PDE4A: variants seen among roughly 807,000 people sequenced by gnomAD.
PDE4A encodes the protein phosphodiesterase 4A.
Under a neutral mutation model 73.9 loss-of-function variants are expected in PDE4A, and 21 were observed. The observed-to-expected ratio is 0.28, with a 90% CI of 0.20 to 0.41. The LOEUF is 0.41. Ranked by LOEUF, PDE4A falls within the 10% of genes least tolerant of loss-of-function variation. The probability of loss-of-function intolerance (pLI) is 1.00; values close to 1 mark genes in which losing one functional copy is unlikely to be tolerated. For missense variants in PDE4A, 958 were observed against 1,211.4 expected (o/e 0.79, Z 3.10); for synonymous variants, 463 against 505.4 (o/e 0.92, Z 1.13).
At chr19:10,426,437 G>T (rs963333843) in intron 1 of PDE4A, among the ~76,000 whole-genome samples, 3 of 152,014 alleles carry the variant, frequency 2.0e-5, no homozygotes, top group African/African-American at 7.2e-5. Context: ...GCTATTGTTA[G>T]TGTTAGTGTA....
At chr19:10,461,460 A>G (rs2043268446) in intron 11 of PDE4A, 66 bp from the exon 12 acceptor site, 1 of 1,585,576 alleles carries the variant, frequency 6.3e-7, no homozygotes, top group African/African-American at 1.3e-5. Context: ...TTGGGGGCGG[A>G]GCTGGCCCTC....
upstream of PDE4A, chr19:10,417,547 C>T (rs1165103155): frequency 2.1e-6 from 3 of 1,447,564 alleles, no homozygotes; most frequent in East Asian, 2.5e-5. Context: ...TGAAGGGGAG[C>T]CTATACCGCC....
intron 13 of PDE4A, among the ~76,000 whole-genome samples, chr19:10,463,170 A>G (rs2043303637): frequency 6.6e-6 from 1 of 150,740 alleles, no homozygotes; most frequent in African/African-American, 2.4e-5. Flanking sequence ...GTTCCCTGCA[A>G]ACTCCGCCTC....
intron 1 of PDE4A, among the ~76,000 whole-genome samples, chr19:10,436,683 T>C (rs901211589): frequency 2.6e-5 from 4 of 152,222 alleles, no homozygotes; most frequent in Non-Finnish European, 5.9e-5. Flanking sequence ...AATGTCTTGT[T>C]ATTATTACTG....
intron 4 of PDE4A, 145 bp from the exon 5 acceptor site, chr19:10,450,456 GGC>G: frequency 7.0e-7 from 1 of 1,422,350 alleles, no homozygotes; most frequent in African/African-American, 1.4e-5. Flanking sequence ...GACTCATTGA[GGC>G]TGCAGGCAGA....
intron 1 of PDE4A, among the ~76,000 whole-genome samples, chr19:10,422,343 C>G (rs10404638): frequency 6.6e-6 from 1 of 152,130 alleles, no homozygotes; most frequent in East Asian, 1.9e-4. Flanking sequence ...GTCTGAGCGT[C>G]GGTGCTCTGA....
rs759983353 is a variant in PDE4A, at chr19:10,420,916, G to A, written c.152G>A (p.Ser51Asn). ...IRIQQRGYSDSAERAERERQP... is the reference protein window; with the variant it reads ...IRIQQRGYSDNAERAERERQP... The stretch of plus-strand genomic sequence containing the variant: ...ATCCAGCAGCGCGGCTACTCCGACA[G>A]CGCGGAGCGCGCCGAGCGGGAGCGG... The change falls in exon 1 of 15, where the codon AGC becomes AAC. Residue 51 changes from serine to asparagine, a missense_variant. Transcript: ENST00000380702. This position sits in a 1 kb window ranked among gnomAD's most constrained non-coding sequence, Gnocchi z 6.0. 1 of 1,582,658 alleles carries A rather than the reference G, an allele frequency of 6.3e-7. No individual in the cohort carries two copies. Among genetic ancestry groups the A allele is most frequent in the South Asian group, 1.1e-5 (1 of 88,548 alleles).
At chr19:10,421,683 G>A (rs996948995) in intron 1 of PDE4A, among the ~76,000 whole-genome samples, 2 of 152,156 alleles carry the variant, frequency 1.3e-5, no homozygotes, top group Non-Finnish European at 2.9e-5. Flanking sequence ...TCCCCTCTCA[G>A]GGCAAGAGTG....
chr19:10,457,699 TG>T, intron 7 of PDE4A, 179 bp from the exon 8 acceptor site: 1 of 797,570 alleles, frequency 1.3e-6, no homozygotes, highest in Non-Finnish European at 1.5e-6. Context: ...CACCACCTCC[TG>T]GAAGATTTCC....
upstream of PDE4A, chr19:10,417,521 G>A (rs2042599538): frequency 7.0e-7 from 1 of 1,433,254 alleles, no homozygotes; most frequent in East Asian, 2.5e-5. Flanking sequence ...TGAGGGGTCA[G>A]CGAGTGGCTC....
At chr19:10,427,276 G>A (rs1261499179) in intron 1 of PDE4A, among the ~76,000 whole-genome samples, 1 of 152,204 alleles carries the variant, frequency 6.6e-6, no homozygotes, top group African/African-American at 2.4e-5. Context: ...CTTCAGCCTG[G>A]GTGACAGAGC....
At chr19:10,446,560 C>T (rs962792131) in intron 2 of PDE4A, among the ~76,000 whole-genome samples, 151 bp downstream of exon 2, 7 of 152,090 alleles carry the variant, frequency 4.6e-5, no homozygotes, top group Non-Finnish European at 1.0e-4. Context: ...GCACCCTGCC[C>T]CTCCTATAAA....
rs2043210250 is a variant in PDE4A, at chr19:10,458,712, G to C, written c.1101+610G>C. Reference sequence around the variant, plus strand: ...CGGCTCAAGGCAACCTCCACCTCCTGGGTTCAAGCAATACTCCTGCCTCAC... The same window carrying C: ...CGGCTCAAGGCAACCTCCACCTCCTCGGTTCAAGCAATACTCCTGCCTCAC... On this transcript the variant is annotated intron_variant, in intron 8 of 14. Coordinates refer to ENST00000380702, the MANE Select transcript of PDE4A (RefSeq NM_001111307.2). This position sits in a 1 kb window ranked among gnomAD's most constrained non-coding sequence, Gnocchi z 4.6. 6.6e-6 allele frequency among the ~76,000 whole-genome samples: 1 copy of C among 151,604 alleles called. No individual in the cohort carries two copies. The highest frequency in any genetic ancestry group is 2.4e-5 in the African/African-American group (1 of 41,206).
intron 1 of PDE4A, chr19:10,430,923 G>T (rs1343788170): frequency 6.6e-7 from 1 of 1,510,166 alleles, no homozygotes. Flanking sequence ...GGCTGAGGAC[G>T]AGGCGTTCCT....
rs537664118 is a variant in PDE4A, at chr19:10,462,406, C to T, written c.1743+407C>T. ...ACCTCAGGTGATCCCCCCCCGCCCC[C>T]CGCCTTGGCCTCCCAAAGTGCTGGG... On this transcript the variant is annotated intron_variant, in intron 13 of 14. Coordinates refer to ENST00000380702, the MANE Select transcript of PDE4A (RefSeq NM_001111307.2). Among the ~76,000 whole-genome samples the T allele has an allele frequency of 3.2e-4, 48 of 152,134 alleles. 1 individual carries two copies. The South Asian group carries it at 9.8e-3, about 31-fold the overall frequency.
upstream of PDE4A, chr19:10,417,419 C>T (rs2042598687): frequency 2.0e-6 from 2 of 984,982 alleles, no homozygotes; most frequent in African/African-American, 1.7e-5. Flanking sequence ...TGTGACAGAC[C>T]CCAAGGCTGG....
chr19:10,439,771 G>A (rs1268329002), intron 1 of PDE4A, among the ~76,000 whole-genome samples: 1 of 152,046 alleles, frequency 6.6e-6, no homozygotes, highest in African/African-American at 2.4e-5. Context: ...TTGGAGTGAA[G>A]AGACCAGCTG....
chr19:10,417,106 G>A, upstream of PDE4A: 1 of 1,456,992 alleles, frequency 6.9e-7, no homozygotes, highest in Non-Finnish European at 9.0e-7. Flanking sequence ...AAGCTGTGAG[G>A]AGTTTGGTCC....
At chr19:10,466,608 T>C (rs1327530270) in intron 14 of PDE4A, among the ~76,000 whole-genome samples, 1 of 151,650 alleles carries the variant, frequency 6.6e-6, no homozygotes, top group African/African-American at 2.4e-5. Context: ...AGCGATTCTG[T>C]CTCAGCCTCC....
Sources: allele counts gnomAD v4.1 joint callset (sites outside exome capture counted in the v4.1 genomes callset), GRCh38; gene constraint gnomAD v4.1.1; non-coding constraint Gnocchi (gnomAD v3.1); transcripts MANE v1.5; gene names NCBI Gene and HGNC (gene_info 2026-07-23, HGNC 2026-07-21).